Variants in TRPC5 observed in about 807,000 individuals in gnomAD.
TRPC5 encodes transient receptor potential cation channel subfamily C member 5.
TRPC5 carries 9 observed loss-of-function variants against 56.5 expected under a neutral mutation model. That is an observed-to-expected ratio of 0.16 (90% CI 0.10 to 0.28). The LOEUF (loss-of-function observed/expected upper bound fraction) is 0.28, where lower values mean the gene tolerates loss of function less well. Ranked by LOEUF, TRPC5 falls within the 10% of genes least tolerant of loss-of-function variation. The probability of loss-of-function intolerance (pLI) is 1.00; values close to 1 mark genes in which losing one functional copy is unlikely to be tolerated. For synonymous variants in TRPC5, 282 were observed against 278.5 expected, an observed-to-expected ratio of 1.01 and a Z score of -0.13; for missense variants, 469 against 748.9, an observed-to-expected ratio of 0.63 and a Z score of 4.36.
At chrX:112,057,418 G>A (rs765616293) in intron 1 of TRPC5, among the ~76,000 whole-genome samples, 3 of 111,957 alleles carry the variant, frequency 2.7e-5, no homozygotes, top group South Asian at 7.5e-4. Flanking sequence ...TTAAAGGGAT[G>A]TTTTTGCTTA....
intron 6 of TRPC5, among the ~76,000 whole-genome samples, chrX:111,840,592 C>T (rs1041906147): frequency 3.6e-5 from 4 of 111,568 alleles, no homozygotes; most frequent in Non-Finnish European, 7.5e-5. Context: ...TTTGGCTATA[C>T]GTCTATAAAG....
chrX:111,948,529 C>T (rs1355755524), intron 2 of TRPC5, among the ~76,000 whole-genome samples: 3 of 110,290 alleles, frequency 2.7e-5, no homozygotes, highest in Non-Finnish European at 3.8e-5. Flanking sequence ...CTCAGGAGTT[C>T]GAGACCAGCC....
chrX:111,859,948 G>A (rs1291774259), intron 3 of TRPC5, among the ~76,000 whole-genome samples: 9 of 112,855 alleles, frequency 8.0e-5, no homozygotes, highest in Non-Finnish European at 1.9e-5. Context: ...TCGCTCTGTC[G>A]CCCAGGCTGG....
At chrX:111,915,991 G>C (rs960687475) in intron 2 of TRPC5, among the ~76,000 whole-genome samples, 1 of 110,347 alleles carries the variant, frequency 9.1e-6, no homozygotes, top group African/African-American at 3.3e-5. Flanking sequence ...TAGGTGTGAT[G>C]GCAAGCACCT....
At position 111,844,199 on chromosome X, in the gene TRPC5, A is replaced by C. The variant is rs1382976691; in HGVS notation, c.1700+2915T>G. Among the ~76,000 whole-genome samples the C allele has an allele frequency of 6.3e-5, 7 of 110,686 alleles. No homozygotes were observed. In the East Asian group the frequency reaches 2.0e-3, roughly 31 times the overall value. Reference sequence around the variant, plus strand: ...TATTTGAGGGGCCTGTGAAACAGCCAGGTATATTCAGGAGGCATCAGGAGA... The same window carrying C: ...TATTTGAGGGGCCTGTGAAACAGCCCGGTATATTCAGGAGGCATCAGGAGA... On this transcript the variant is annotated intron_variant, in intron 6 of 10. Transcript: ENST00000262839.
At chrX:111,947,361 G>A (rs974685888) in intron 2 of TRPC5, among the ~76,000 whole-genome samples, 2 of 111,222 alleles carry the variant, frequency 1.8e-5, no homozygotes, top group Non-Finnish European at 3.8e-5. Flanking sequence ...TTTTGAGACA[G>A]AGTGTCTCTC....
chrX:111,955,884 T>C (rs1160506510), intron 1 of TRPC5, among the ~76,000 whole-genome samples: 1 of 112,592 alleles, frequency 8.9e-6, no homozygotes, highest in Non-Finnish European at 1.9e-5. Context: ...TCTAGGTATA[T>C]TCTTAACCAA....
chrX:111,868,696 G>A (rs1024283165), intron 3 of TRPC5, among the ~76,000 whole-genome samples: 1 of 111,738 alleles, frequency 8.9e-6, no homozygotes. Flanking sequence ...AATTTGAAGG[G>A]TGAGAATGAG....
At chrX:111,808,482 A>G (rs1024897820) in intron 7 of TRPC5, among the ~76,000 whole-genome samples, 3 of 110,940 alleles carry the variant, frequency 2.7e-5, no homozygotes, top group East Asian at 5.7e-4. Context: ...TCAAGGGCCA[A>G]TGACCCTTCA....
intron 1 of TRPC5, among the ~76,000 whole-genome samples, chrX:112,017,653 G>A (rs1456927853): frequency 1.8e-5 from 2 of 111,015 alleles, no homozygotes; most frequent in Non-Finnish European, 3.8e-5. Flanking sequence ...ACCTTGGGGC[G>A]CTGGGCCTTT....
intron 2 of TRPC5, among the ~76,000 whole-genome samples, chrX:111,918,767 C>CAG (rs988417255): frequency 1.8e-4 from 20 of 111,346 alleles, no homozygotes; most frequent in African/African-American, 6.5e-4. Context: ...AGACTGTGGA[C>CAG]AGAGAGTAGG....
Position 111,912,775 on chromosome X carries a change from A to G in TRPC5, c.416T>C (p.Phe139Ser). The G allele has an allele frequency of 8.3e-7, 1 of 1,202,814 alleles. No individual in the cohort carries two copies. The highest frequency in any genetic ancestry group is 1.1e-6 in the Non-Finnish European group (1 of 894,995). The change falls in exon 3 of 11, where the codon TTC (phenylalanine) becomes TCC (serine). Residue 139 changes from phenylalanine to serine, a missense_variant. Transcript: ENST00000262839. ...TLMMDTQFSE[F>S]TPDITPIMLA... ...CATGATGGGAGTGATGTCCGGTGTG[A>G]ATTCAGAGAACTGCGTGTCCATCAT...
At chrX:111,913,274 G>A (rs1192635932) in intron 2 of TRPC5, among the ~76,000 whole-genome samples, 3 of 111,098 alleles carry the variant, frequency 2.7e-5, no homozygotes, top group African/African-American at 9.8e-5. Flanking sequence ...CTGACCTCCT[G>A]GAGAATTACT....
chrX:111,994,078 T>C (rs1928445863), intron 1 of TRPC5, among the ~76,000 whole-genome samples: 1 of 112,136 alleles, frequency 8.9e-6, no homozygotes, highest in African/African-American at 3.2e-5. Context: ...TTAATTTTTG[T>C]ATAAAGTGTA....
intron 6 of TRPC5, among the ~76,000 whole-genome samples, chrX:111,840,457 G>GA (rs1173452922): frequency 1.8e-5 from 2 of 112,051 alleles, no homozygotes; most frequent in Admixed American, 9.4e-5. Flanking sequence ...ATAATGACAG[G>GA]AAAAAAAGTC....
In TRPC5 at chrX:111,913,959, CAAAAA is replaced by C. The variant is rs55948877; in HGVS notation, c.379-1152_379-1148del. Among the ~76,000 whole-genome samples the C allele has an allele frequency of 2.3e-3, 171 of 73,414 alleles. 1 individual carries two copies. The highest frequency in any genetic ancestry group is 8.2e-3 in the African/African-American group (155 of 18,957). The allele number at this position is 73,414 out of a possible 115,157, so 63.8% of individuals were successfully genotyped here. The stretch of plus-strand genomic sequence containing the variant: ...TGGGCAACAGAGCAAGACTCAGTCT[CAAAAA>C]AAAAAAAAAAAAAAAGTCTCTTTTG... On this transcript the variant is annotated intron_variant, in intron 2 of 10. Transcript: ENST00000262839.
chrX:111,954,257 G>C (rs1202230827), intron 1 of TRPC5, among the ~76,000 whole-genome samples: 1 of 112,029 alleles, frequency 8.9e-6, no homozygotes, highest in East Asian at 2.8e-4. Flanking sequence ...AACCCAATTA[G>C]CTTCTATTTA....
chrX:111,865,301 A>G (rs2148591072), intron 3 of TRPC5, among the ~76,000 whole-genome samples: 1 of 107,833 alleles, frequency 9.3e-6, no homozygotes, highest in South Asian at 4.1e-4. Context: ...GATTACTGGC[A>G]TGAGTCACTG....
chrX:111,949,822 T>G (rs1927027249), intron 2 of TRPC5, among the ~76,000 whole-genome samples: 1 of 111,847 alleles, frequency 8.9e-6, no homozygotes, highest in Admixed American at 9.5e-5. Context: ...ACTATCATTT[T>G]ATCCAGCAAT....
Sources: allele counts gnomAD v4.1 joint callset (sites outside exome capture counted in the v4.1 genomes callset), GRCh38; gene constraint gnomAD v4.1.1; transcripts MANE v1.5; gene names NCBI Gene and HGNC (gene_info 2026-07-23, HGNC 2026-07-21).